NRK: variants seen among roughly 807,000 people sequenced by gnomAD.
NRK encodes the protein Nik related kinase, also known as nik-related protein kinase.
In NRK, 67 loss-of-function variants were observed where a neutral mutation model predicts 125.2. The observed-to-expected ratio is 0.54, with a 90% CI of 0.44 to 0.66. The LOEUF is 0.66. NRK is among the 30% of genes least tolerant of loss of function. The pLI is 0.00. For synonymous variants in NRK, 458 were observed against 429.0 expected, an observed-to-expected ratio of 1.07 and a Z score of -0.84; for missense variants, 1,224 against 1,192.9, an observed-to-expected ratio of 1.03 and a Z score of -0.38.
intron 14 of NRK, among the ~76,000 whole-genome samples, chrX:105,913,822 T>G (rs1047666411): frequency 2.0e-4 from 22 of 111,393 alleles, no homozygotes; most frequent in Middle Eastern, 4.6e-3. Context: ...TGACAGGGTC[T>G]GGGACATTTA....
At chrX:105,865,013 C>G (rs1425639771) in intron 2 of NRK, among the ~76,000 whole-genome samples, 1 of 111,359 alleles carries the variant, frequency 9.0e-6, no homozygotes, top group Non-Finnish European at 1.9e-5. Flanking sequence ...CTTTATGCCC[C>G]CCTTCAGGCT....
At chrX:105,915,946 C>T (rs2040359887) in intron 15 of NRK, 149 bp downstream of exon 15, 4 of 389,100 alleles carry the variant, frequency 1.0e-5, no homozygotes, top group Non-Finnish European at 1.8e-5. Context: ...ACATTGAAAA[C>T]CTTAACTGCA....
At chrX:105,870,757 G>A (rs1473642925) in intron 2 of NRK, among the ~76,000 whole-genome samples, 1 of 111,616 alleles carries the variant, frequency 9.0e-6, no homozygotes, top group Non-Finnish European at 1.9e-5. Context: ...TCAAATTACA[G>A]GGCACTTTCA....
At chrX:105,952,988 C>T in intron 27 of NRK, 46 bp from the exon 28 acceptor site, 1 of 1,034,715 alleles carries the variant, frequency 9.7e-7, no homozygotes. Flanking sequence ...CTATGATGGC[C>T]AGAAAGATTT....
intron 19 of NRK, among the ~76,000 whole-genome samples, chrX:105,933,238 G>A (rs2040619923): frequency 9.0e-6 from 1 of 110,670 alleles, no homozygotes; most frequent in Admixed American, 9.6e-5. Context: ...CATTAAAACA[G>A]GATGTCCCAA....
intron 19 of NRK, among the ~76,000 whole-genome samples, chrX:105,925,311 A>T (rs1011366122): frequency 2.7e-5 from 3 of 111,364 alleles, no homozygotes; most frequent in African/African-American, 6.5e-5. Flanking sequence ...AAAATATTTT[A>T]AAAAATTAAT....
At chrX:105,931,133 A>G (rs2040589692) in intron 19 of NRK, among the ~76,000 whole-genome samples, 2 of 112,790 alleles carry the variant, frequency 1.8e-5, no homozygotes, top group Non-Finnish European at 1.9e-5. Flanking sequence ...AAGCCAGCCT[A>G]GAGTTGGCTT....
chrX:105,907,798 T>G (rs752525092), intron 11 of NRK: 1 of 112,634 alleles, frequency 8.9e-6, no homozygotes, highest in African/African-American at 3.2e-5. Context: ...GCTGAATGTT[T>G]TCAATGTGTT....
intron 26 of NRK, among the ~76,000 whole-genome samples, chrX:105,947,642 A>T (rs12839154): frequency 0.25 from 27,411 of 110,689 alleles, 3,380 homozygotes; most frequent in Non-Finnish European, 0.38. Context: ...ATTTTTATTT[A>T]AAAGGAAGGC....
At chrX:105,826,038 G>GTC (rs200199183) in intron 1 of NRK, among the ~76,000 whole-genome samples, 1,301 of 93,424 alleles carry the variant, frequency 0.014, 9 homozygotes, top group Middle Eastern at 0.022. Context: ...CTCTGTCTCC[G>GTC]TCTCTCTCTC....
rs370870980 is a variant in NRK at position 105,893,957 on chromosome X, A to G, written c.489+15A>G. ...AAATCCTTCAGGTGAGTCTTCATAC[A>G]GTCATTCTCTTCTGATCTTTTAAGA... On this transcript the variant is annotated intron_variant, in intron 6 of 28. Coordinates refer to ENST00000243300, the MANE Select transcript of NRK (RefSeq NM_198465.4). 3.8e-5 allele frequency: 35 copies of G among 914,538 alleles called. No individual in the cohort carries two copies. Among genetic ancestry groups the G allele is most frequent in the Admixed American group, 6.8e-5 (3 of 44,082 alleles). 75.4% of individuals were successfully genotyped at this position (914,538 alleles called of 1,213,427 possible). A position where few individuals can be genotyped will look rare whatever the true frequency, so the allele number is the denominator to read the frequency against.
intron 24 of NRK, among the ~76,000 whole-genome samples, chrX:105,945,373 A>G (rs2040798980): frequency 8.9e-6 from 1 of 112,263 alleles, no homozygotes; most frequent in Non-Finnish European, 1.9e-5. Context: ...AACACATCAC[A>G]TGTATACAAT....
intron 26 of NRK, chrX:105,948,655 G>A (rs1196330764): frequency 1.8e-5 from 9 of 503,441 alleles, no homozygotes; most frequent in Non-Finnish European, 2.8e-5. Context: ...AGTGCCCAGG[G>A]AACGCATTAA....
At chrX:105,851,355 A>G (rs1465945017) in intron 2 of NRK, among the ~76,000 whole-genome samples, 1 of 112,146 alleles carries the variant, frequency 8.9e-6, no homozygotes, top group African/African-American at 3.2e-5. Flanking sequence ...TGGTGAAAAA[A>G]TTACGCATAT....
intron 2 of NRK, among the ~76,000 whole-genome samples, chrX:105,849,520 A>G (rs2039443944): frequency 1.8e-5 from 2 of 111,801 alleles, no homozygotes; most frequent in African/African-American, 6.5e-5. Flanking sequence ...AAAAGTCCAC[A>G]GTCCAAAATC....
At chrX:105,823,034 A>T in intron 1 of NRK, 132 bp downstream of exon 1, 1 of 614,900 alleles carries the variant, frequency 1.6e-6, no homozygotes. Flanking sequence ...GCGGAAGGGG[A>T]TCCTGGGAGC....
Position 105,945,241 on chromosome X carries a change from A to G in NRK, c.4060-631A>G, listed in dbSNP as rs143878655. ...GTTCCAGGTGATTTTTAACTAGTTG[A>G]TCCATAGACAGGTTTTAACAAAGCA... On this transcript the variant is annotated intron_variant, in intron 24 of 28. Transcript: ENST00000243300. Among the ~76,000 whole-genome samples the G allele has an allele frequency of 7.2e-5, 8 of 111,709 alleles. No individual in the cohort carries two copies. In the East Asian group the frequency reaches 2.0e-3, roughly 28 times the overall value.
intron 3 of NRK, among the ~76,000 whole-genome samples, 199 bp from the exon 4 acceptor site, chrX:105,881,509 C>A (rs1210660112): frequency 8.9e-6 from 1 of 111,861 alleles, no homozygotes; most frequent in Admixed American, 9.5e-5. Flanking sequence ...GCAGTTAAAT[C>A]TACTACCATG....
intron 1 of NRK, among the ~76,000 whole-genome samples, chrX:105,827,827 A>G (rs1185852131): frequency 8.9e-6 from 1 of 112,124 alleles, no homozygotes; most frequent in African/African-American, 3.2e-5. Flanking sequence ...CCCAAATGGG[A>G]CATCAAGACA....
Sources: allele counts gnomAD v4.1 joint callset (sites outside exome capture counted in the v4.1 genomes callset), GRCh38; gene constraint gnomAD v4.1.1; transcripts MANE v1.5; gene names NCBI Gene and HGNC (gene_info 2026-07-23, HGNC 2026-07-21).